DIP2C: variants seen among roughly 807,000 people sequenced by gnomAD.
DIP2C encodes disco-interacting protein 2 homolog C.
In DIP2C, 33 loss-of-function variants were observed where a neutral mutation model predicts 192.4. That is an observed-to-expected ratio of 0.17 (90% CI 0.13 to 0.23). The LOEUF (loss-of-function observed/expected upper bound fraction) is 0.23, where lower values mean the gene tolerates loss of function less well. Ranked by LOEUF, DIP2C falls within the 10% of genes least tolerant of loss-of-function variation. The pLI is 1.00. For missense variants in DIP2C, 1,537 were observed against 2,110.1 expected (o/e 0.73, Z 5.32); for synonymous variants, 979 against 864.1 (o/e 1.13, Z -2.33).
At chr10:365,851 C>T (rs1193296300) in intron 19 of DIP2C, among the ~76,000 whole-genome samples, 1 of 152,188 alleles carries the variant, frequency 6.6e-6, no homozygotes, top group East Asian at 1.9e-4. Context: ...TAGCCCAGGC[C>T]GAGGAGCCGT....
At position 277,546 on chromosome 10, in the gene DIP2C, C is replaced by A. The variant is rs755090541; in HGVS notation, c.4450G>T (p.Val1484Phe). 1 of 1,614,106 alleles carries A rather than the reference C, an allele frequency of 6.2e-7. No individual in the cohort carries two copies. Among genetic ancestry groups the A allele is most frequent in the African/African-American group, 1.3e-5 (1 of 75,046 alleles). The change falls in exon 37 of 37, where the codon GTT becomes TTT. Residue 1484 changes from valine (V) to phenylalanine (F), a missense_variant. Around this residue, in one of 4 missense-constraint regions of DIP2C, gnomAD observed 341 missense variants for 551.7 expected, o/e 0.62. Coordinates refer to ENST00000280886, the MANE Select transcript of DIP2C (RefSeq NM_014974.3). Reference protein sequence around the residue: ...AVFTWTNLLVVVVELDGSEQE... With the variant: ...AVFTWTNLLVFVVELDGSEQE... ...TCCGACCCATCCAGCTCAACCACAA[C>A]CACCAACAAATTTGTCCAGGTAAAC...
At chr10:449,920 C>CAACAACAAAAAAAAAAAAAAAAAAAA (rs1408389732) in intron 3 of DIP2C, among the ~76,000 whole-genome samples, 1 of 135,912 alleles carries the variant, frequency 7.4e-6, no homozygotes, top group African/African-American at 3.0e-5. Context: ...TCAACAACAA[C>CAACAACAAAAAAAAAAAAAAAAAAAA]AAAAAAAAAA....
chr10:687,148 A>T (rs1182962939), intron 1 of DIP2C, among the ~76,000 whole-genome samples: 1 of 152,250 alleles, frequency 6.6e-6, no homozygotes, highest in Admixed American at 6.5e-5. Context: ...TTCACTCTGA[A>T]AGCAGATACA....
At chr10:581,964 C>T (rs1348137739) in intron 1 of DIP2C, among the ~76,000 whole-genome samples, 1 of 152,154 alleles carries the variant, frequency 6.6e-6, no homozygotes, top group Non-Finnish European at 1.5e-5. Flanking sequence ...CGTTCCACCT[C>T]AGGTCAGGCA....
chr10:414,757 A>ATATATATATATATAT (rs60489200), intron 7 of DIP2C, among the ~76,000 whole-genome samples: 4 of 69,572 alleles, frequency 5.7e-5, no homozygotes, highest in Non-Finnish European at 8.7e-5. Flanking sequence ...ATATATATAT[A>ATATATATATATATAT]ATGTGTATAT....
chr10:323,752 T>C (rs1360348416), intron 31 of DIP2C, among the ~76,000 whole-genome samples: 2 of 152,196 alleles, frequency 1.3e-5, no homozygotes, highest in Non-Finnish European at 1.5e-5. Flanking sequence ...ATAAATTCAA[T>C]GTATAGAAAA....
chr10:381,241 C>T (rs1046979793), intron 17 of DIP2C, among the ~76,000 whole-genome samples: 18 of 152,068 alleles, frequency 1.2e-4, no homozygotes, highest in African/African-American at 1.2e-4. Flanking sequence ...CAGCACTGAA[C>T]GGTTTAAATA....
chr10:570,889 A>G (rs1293354341), intron 1 of DIP2C, among the ~76,000 whole-genome samples: 1 of 152,254 alleles, frequency 6.6e-6, no homozygotes, highest in East Asian at 1.9e-4. Flanking sequence ...TTGAAATTCC[A>G]TGTACTGCTG....
intron 35 of DIP2C, among the ~76,000 whole-genome samples, chr10:282,425 G>C (rs1024320133): frequency 6.6e-6 from 1 of 152,100 alleles, no homozygotes; most frequent in Non-Finnish European, 1.5e-5. Context: ...TAGCCTGTTG[G>C]GCCAGGCCAT....
chr10:608,011 G>A (rs1013746745), intron 1 of DIP2C, among the ~76,000 whole-genome samples: 9 of 151,396 alleles, frequency 5.9e-5, no homozygotes, highest in Non-Finnish European at 8.8e-5. Flanking sequence ...CCGCAGGTGC[G>A]GTCAAGTCAT....
chr10:634,193 C>G (rs4880736), intron 1 of DIP2C, among the ~76,000 whole-genome samples: 81,104 of 152,076 alleles, frequency 0.53, 23,509 homozygotes, highest in East Asian at 0.74. Flanking sequence ...AAACCTGGGG[C>G]TCAGCGTCAA....
chr10:477,928 A>AG (rs1843214260), intron 2 of DIP2C, among the ~76,000 whole-genome samples: 1 of 114,788 alleles, frequency 8.7e-6, no homozygotes, highest in Non-Finnish European at 1.8e-5. Context: ...AGGAAAAGAG[A>AG]GGGAAAGAAG....
At chr10:327,320 T>C (rs561682076) in intron 30 of DIP2C, 144 bp from the exon 31 acceptor site, 3 of 845,404 alleles carry the variant, frequency 3.5e-6, no homozygotes, top group East Asian at 5.7e-5. Context: ...GTCCACTTCT[T>C]CAATATAACA....
chr10:374,616 C>T (rs551002420), intron 17 of DIP2C, among the ~76,000 whole-genome samples: 1 of 152,354 alleles, frequency 6.6e-6, no homozygotes, highest in African/African-American at 2.4e-5. Context: ...CTCAGCAGTG[C>T]CCATCTCTGC....
intron 34 of DIP2C, among the ~76,000 whole-genome samples, chr10:284,452 C>G (rs948454518): frequency 2.0e-5 from 3 of 152,198 alleles, no homozygotes; most frequent in Middle Eastern, 3.2e-3. Context: ...TTTGCAACAG[C>G]ATGGATGTAC....
chr10:424,746 C>A (rs182928044), intron 4 of DIP2C, among the ~76,000 whole-genome samples: 284 of 152,276 alleles, frequency 1.9e-3, no homozygotes, highest in African/African-American at 6.0e-3. Context: ...AAGGTACACA[C>A]CCAGGTGTCC....
chr10:331,966 G>A (rs541538619), intron 29 of DIP2C, among the ~76,000 whole-genome samples: 1 of 152,050 alleles, frequency 6.6e-6, no homozygotes, highest in Admixed American at 6.5e-5. Context: ...TTGTCACCCA[G>A]GCTAGAGTGC....
chr10:627,883 C>A (rs145036592), intron 1 of DIP2C, among the ~76,000 whole-genome samples: 1 of 152,256 alleles, frequency 6.6e-6, no homozygotes, highest in Admixed American at 6.5e-5. Context: ...GCCCTCATTA[C>A]GGGGTTGGTG....
chr10:415,298 T>G (rs1965555152), intron 7 of DIP2C, among the ~76,000 whole-genome samples: 1 of 152,128 alleles, frequency 6.6e-6, no homozygotes, highest in African/African-American at 2.4e-5. Flanking sequence ...AATGAGCAGT[T>G]CTTGTGCTTT....
Sources: allele counts gnomAD v4.1 joint callset (sites outside exome capture counted in the v4.1 genomes callset), GRCh38; gene constraint gnomAD v4.1.1; regional missense constraint gnomAD v4.1.1; transcripts MANE v1.5; gene names NCBI Gene and HGNC (gene_info 2026-07-23, HGNC 2026-07-21).